SPIRE1: variants seen among roughly 807,000 people sequenced by gnomAD.
SPIRE1 encodes protein spire homolog 1.
Under a neutral mutation model 94.1 loss-of-function variants are expected in SPIRE1, and 40 were observed. The observed-to-expected ratio is 0.43, with a 90% CI of 0.33 to 0.55. The LOEUF (loss-of-function observed/expected upper bound fraction) is 0.55, where lower values mean the gene tolerates loss of function less well. SPIRE1 is among the 20% of genes least tolerant of loss of function. SPIRE1 has a pLI of 0.06. For synonymous variants in SPIRE1, 376 were observed against 371.7 expected (o/e 1.01, Z -0.13); for missense variants, 838 against 975.2 (o/e 0.86, Z 1.87).
At chr18:12,648,653 G>A (rs1458454602) in intron 1 of SPIRE1, among the ~76,000 whole-genome samples, 3 of 151,914 alleles carry the variant, frequency 2.0e-5, no homozygotes, top group Non-Finnish European at 4.4e-5. Flanking sequence ...ACTTTGGGAG[G>A]CCGAGGCGGA....
intron 1 of SPIRE1, among the ~76,000 whole-genome samples, chr18:12,651,521 A>G (rs2038380376): frequency 6.6e-6 from 1 of 152,036 alleles, no homozygotes; most frequent in East Asian, 1.9e-4. Context: ...TAAAAATACA[A>G]AAATTAGCCG....
chr18:12,635,877 GTTTTT>G (rs1235472814), intron 1 of SPIRE1, among the ~76,000 whole-genome samples: 1 of 151,100 alleles, frequency 6.6e-6, no homozygotes, highest in South Asian at 2.1e-4. Flanking sequence ...AGAAAATTGG[GTTTTT>G]TTGGTTTTTT....
intron 2 of SPIRE1, among the ~76,000 whole-genome samples, chr18:12,556,489 C>G (rs2035508664): frequency 6.6e-6 from 1 of 152,158 alleles, no homozygotes; most frequent in Non-Finnish European, 1.5e-5. Context: ...TGCGGACCCT[C>G]ACGGTGAGTG....
At chr18:12,480,568 T>G (rs916054152) in intron 9 of SPIRE1, among the ~76,000 whole-genome samples, 1 of 152,206 alleles carries the variant, frequency 6.6e-6, no homozygotes, top group African/African-American at 2.4e-5. Flanking sequence ...GCATATAAAA[T>G]TCTGTGCCTA....
At chr18:12,482,850 A>T (rs1042884417) in intron 9 of SPIRE1, among the ~76,000 whole-genome samples, 2 of 152,170 alleles carry the variant, frequency 1.3e-5, no homozygotes, top group African/African-American at 4.8e-5. Flanking sequence ...TTAATAAAAA[A>T]CGGGTTATGT....
At chr18:12,625,666 G>A (rs935354676) in intron 2 of SPIRE1, among the ~76,000 whole-genome samples, 11 of 152,192 alleles carry the variant, frequency 7.2e-5, no homozygotes, top group African/African-American at 2.7e-4. Flanking sequence ...ATATTTTCAT[G>A]TGTGCATAAC....
intron 2 of SPIRE1, among the ~76,000 whole-genome samples, chr18:12,555,406 T>C (rs1346462723): frequency 1.3e-5 from 2 of 152,034 alleles, no homozygotes; most frequent in Non-Finnish European, 2.9e-5. Flanking sequence ...TGAATGTTGA[T>C]GTAAAAATTC....
intron 16 of SPIRE1, chr18:12,450,834 G>T: frequency 1.4e-6 from 1 of 734,522 alleles, no homozygotes. Context: ...GGTGAGATGC[G>T]GAATAACTTA....
At position 12,448,878 on chromosome 18, in the gene SPIRE1, C is replaced by A. The variant is rs35643817; in HGVS notation, c.*760G>T. The A allele has an allele frequency of 6.6e-6, 1 of 152,554 alleles. No individual in the cohort carries two copies. Among genetic ancestry groups the A allele is most frequent in the Non-Finnish European group, 1.5e-5 (1 of 68,054 alleles). The allele number at this position is 152,554 out of a possible 1,614,324, so 9.5% of individuals were successfully genotyped here. ...CTTCCTTTGTCCTGAAACTCCCACA[C>A]AACTTTAATTCTTAGACCTCCATTA... On this transcript the variant is annotated 3_prime_UTR_variant, in exon 17 of 17. Transcript: ENST00000409402. The surrounding 1 kb of genome is among the most constrained non-coding windows in gnomAD (Gnocchi z 4.4).
rs925962353 is a variant in SPIRE1 at position 12,629,297 on chromosome 18, A to G, written c.372+5765T>C. ...CTCAATTAAAATACATGGAAATTCA[A>G]ATCAGTTCTGTTTTAGCATTTTCAA... On this transcript the variant is annotated intron_variant, in intron 2 of 16. Transcript: ENST00000409402. 7.2e-5 allele frequency among the ~76,000 whole-genome samples: 11 copies of G among 152,238 alleles called. 1 individual carries two copies. The highest frequency in any genetic ancestry group is 7.2e-4 in the Admixed American group (11 of 15,286).
intron 2 of SPIRE1, among the ~76,000 whole-genome samples, chr18:12,621,907 C>T (rs749724706): frequency 1.3e-5 from 2 of 151,884 alleles, no homozygotes; most frequent in African/African-American, 2.4e-5. Context: ...GGTCATAAAC[C>T]GAGGAAATTA....
At chr18:12,539,583 A>C (rs2034950740) in intron 3 of SPIRE1, among the ~76,000 whole-genome samples, 1 of 144,760 alleles carries the variant, frequency 6.9e-6, no homozygotes, top group Non-Finnish European at 1.5e-5. Flanking sequence ...ACATACACAC[A>C]CACGCACACA....
rs1555633385 is a variant in SPIRE1, at chr18:12,622,421, C to CTTTCT, written c.372+12640_372+12641insAGAAA. On this transcript the variant is annotated intron_variant, in intron 2 of 16. Coordinates refer to ENST00000409402, the MANE Select transcript of SPIRE1 (RefSeq NM_001128626.2). ...AAGGGAAAACGGAGCTATGTCCAGT[C>CTTTCT]TTTTTTTTTTTTTTTTTTTGAGACA... Among the ~76,000 whole-genome samples, 16 of 114,810 alleles carry CTTTCT rather than the reference C, an allele frequency of 1.4e-4. No individual in the cohort carries two copies. In the East Asian group the frequency reaches 1.4e-3, roughly 10 times the overall value. 75.3% of individuals were successfully genotyped at this position (114,810 alleles called of 152,430 possible).
chr18:12,596,346 T>G (rs1029390372), intron 2 of SPIRE1, among the ~76,000 whole-genome samples: 8 of 152,262 alleles, frequency 5.3e-5, no homozygotes, highest in Non-Finnish European at 1.2e-4. Context: ...ATCCTTATTT[T>G]GCCTTTGTCA....
chr18:12,645,919 G>C (rs1451587538), intron 1 of SPIRE1, among the ~76,000 whole-genome samples: 1 of 152,014 alleles, frequency 6.6e-6, no homozygotes, highest in African/African-American at 2.4e-5. Context: ...CAGGCACAGG[G>C]AACACCCACT....
chr18:12,489,172 T>C (rs1379116692), intron 8 of SPIRE1, among the ~76,000 whole-genome samples: 1 of 152,062 alleles, frequency 6.6e-6, no homozygotes, highest in African/African-American at 2.4e-5. Context: ...TGGGAGACAG[T>C]GCGAGACTCC....
chr18:12,532,731 A>C (rs572498873), intron 4 of SPIRE1, among the ~76,000 whole-genome samples: 35 of 152,242 alleles, frequency 2.3e-4, no homozygotes, highest in Non-Finnish European at 4.4e-4. Flanking sequence ...AACATGTATA[A>C]AAATGTTCTA....
chr18:12,578,013 C>T (rs1037228167), intron 2 of SPIRE1, among the ~76,000 whole-genome samples: 5 of 152,320 alleles, frequency 3.3e-5, no homozygotes, highest in South Asian at 4.1e-4. Context: ...TACCATTTTA[C>T]ATCCTCTAGA....
intron 2 of SPIRE1, among the ~76,000 whole-genome samples, chr18:12,565,988 G>C (rs895396455): frequency 6.7e-6 from 1 of 150,132 alleles, no homozygotes; most frequent in Non-Finnish European, 1.5e-5. Flanking sequence ...AGCCAAGATC[G>C]TGCCATTGCA....
Sources: allele counts gnomAD v4.1 joint callset (sites outside exome capture counted in the v4.1 genomes callset), GRCh38; gene constraint gnomAD v4.1.1; non-coding constraint Gnocchi (gnomAD v3.1); transcripts MANE v1.5; gene names NCBI Gene and HGNC (gene_info 2026-07-23, HGNC 2026-07-21).